RANBP2: variants seen among roughly 807,000 people sequenced by gnomAD.
The protein encoded by RANBP2 is RAN binding protein 2.
RANBP2 carries 57 observed loss-of-function variants against 303.6 expected under a neutral mutation model. The observed-to-expected ratio is 0.19, with a 90% CI of 0.15 to 0.23. The LOEUF (loss-of-function observed/expected upper bound fraction) is 0.23. Ranked by LOEUF, RANBP2 falls within the 10% of genes least tolerant of loss-of-function variation. The probability of loss-of-function intolerance (pLI) is 1.00; values close to 1 mark genes in which losing one functional copy is unlikely to be tolerated. For missense variants in RANBP2, 3,138 were observed against 3,780.8 expected, an observed-to-expected ratio of 0.83 and a Z score of 4.46; for synonymous variants, 1,167 against 1,301.5, an observed-to-expected ratio of 0.90 and a Z score of 2.23.
At chr2:109,398,784 C>T in the RANBP2 span, 2 of 1,613,830 alleles carry the variant, frequency 1.2e-6, no homozygotes, top group Non-Finnish European at 1.7e-6. Context: ...AGAAACGCCA[C>T]TCCTTCACCG....
At chr2:108,931,146 A>G in the RANBP2 span, 2 of 828,094 alleles carry the variant, frequency 2.4e-6, no homozygotes, top group Non-Finnish European at 2.1e-6. Flanking sequence ...CAGAGGGGAA[A>G]CTATACATCC....
chr2:109,165,863 C>T, the RANBP2 span, among the ~76,000 whole-genome samples: 26 of 152,240 alleles, frequency 1.7e-4, no homozygotes, highest in Non-Finnish European at 3.5e-4. Context: ...CAGTGCTCTA[C>T]GTGTGCCCAG....
At chr2:109,285,820 G>C in the RANBP2 span, among the ~76,000 whole-genome samples, 1 of 152,202 alleles carries the variant, frequency 6.6e-6, no homozygotes. Context: ...TCCAGTCCTG[G>C]CCTTGTTGGC....
chr2:109,407,854 A>G, the RANBP2 span, among the ~76,000 whole-genome samples: 1 of 152,240 alleles, frequency 6.6e-6, no homozygotes, highest in Non-Finnish European at 1.5e-5. Flanking sequence ...AAGTGGGGAC[A>G]GAGGACACCG....
chr2:108,952,897 T>G, the RANBP2 span, among the ~76,000 whole-genome samples: 7 of 152,238 alleles, frequency 4.6e-5, no homozygotes, highest in Admixed American at 1.3e-4. Context: ...TTGACTTTTT[T>G]CTTTATTAGG....
At chr2:108,954,603 T>A in the RANBP2 span, among the ~76,000 whole-genome samples, 3 of 152,168 alleles carry the variant, frequency 2.0e-5, no homozygotes, top group African/African-American at 7.2e-5. Flanking sequence ...CCCTGAATTC[T>A]GTGTCTCTGT....
chr2:109,235,562 A>G, the RANBP2 span, among the ~76,000 whole-genome samples: 250 of 152,344 alleles, frequency 1.6e-3, 1 homozygote, highest in African/African-American at 5.8e-3. Context: ...AGTGACTGGT[A>G]AGATGGTTCT....
chr2:109,334,983 C>T, the RANBP2 span, among the ~76,000 whole-genome samples: 5 of 152,280 alleles, frequency 3.3e-5, no homozygotes, highest in Middle Eastern at 3.4e-3. Flanking sequence ...CGTCCTGGTG[C>T]GAGGCTCTGA....
chr2:109,128,925 C>T, the RANBP2 span: 2 of 377,762 alleles, frequency 5.3e-6, no homozygotes, highest in Non-Finnish European at 1.1e-5. Flanking sequence ...GTCCTGCAGG[C>T]ACGGCGCCTC....
At chr2:108,728,284 T>C (rs1694888618) in intron 1 of RANBP2, among the ~76,000 whole-genome samples, 1 of 152,172 alleles carries the variant, frequency 6.6e-6, no homozygotes, top group South Asian at 2.1e-4. Context: ...TTGAATTTAT[T>C]TTTTGTATGT....
At chr2:108,808,116 C>A in the RANBP2 span, among the ~76,000 whole-genome samples, 1 of 152,148 alleles carries the variant, frequency 6.6e-6, no homozygotes, top group Non-Finnish European at 1.5e-5. Flanking sequence ...GTGGTAAGGT[C>A]TTTCAGGTTC....
At chr2:108,775,640 C>T (rs555687550) in intron 23 of RANBP2, 92 bp from the exon 24 acceptor site, 57 of 1,379,064 alleles carry the variant, frequency 4.1e-5, no homozygotes, top group Admixed American at 2.2e-4. Flanking sequence ...TCCAGAAGCC[C>T]AAGTTCTCAA....
At chr2:108,763,182 G>A (rs1676857990) in intron 19 of RANBP2, 55 bp from the exon 20 acceptor site, 5 of 1,578,464 alleles carry the variant, frequency 3.2e-6, no homozygotes, top group African/African-American at 1.3e-5. Flanking sequence ...TTTGCATTTA[G>A]TTATCTGTAG....
chr2:109,750,816 C>T, the RANBP2 span, among the ~76,000 whole-genome samples: 1 of 42,624 alleles, frequency 2.3e-5, no homozygotes, highest in Non-Finnish European at 4.5e-5. Context: ...CTCCACCTCC[C>T]GAATTCAAGT....
chr2:108,845,494 A>G, the RANBP2 span, among the ~76,000 whole-genome samples: 42 of 152,282 alleles, frequency 2.8e-4, no homozygotes, highest in African/African-American at 9.4e-4. Context: ...GTCATAATAA[A>G]GGAAATTTTA....
chr2:109,719,027 A>AAAAAC, the RANBP2 span, among the ~76,000 whole-genome samples: 17 of 118,278 alleles, frequency 1.4e-4, 1 homozygote, highest in Non-Finnish European at 2.2e-4. Context: ...AAAAAAAAAA[A>AAAAAC]AGAAACAAAA....
the RANBP2 span, among the ~76,000 whole-genome samples, chr2:109,298,103 CAG>C: frequency 3.3e-5 from 5 of 152,260 alleles, no homozygotes; most frequent in African/African-American, 7.2e-5. Flanking sequence ...ACCTGCTTCT[CAG>C]GGGGATGCAG....
chr2:109,680,203 A>G, the RANBP2 span, among the ~76,000 whole-genome samples: 1 of 148,948 alleles, frequency 6.7e-6, no homozygotes, highest in African/African-American at 2.5e-5. Flanking sequence ...AAAAAAAAAA[A>G]TTAGCCGGGC....
At chr2:108,998,698 T>G in the RANBP2 span, among the ~76,000 whole-genome samples, 2 of 152,284 alleles carry the variant, frequency 1.3e-5, no homozygotes, top group African/African-American at 4.8e-5. Flanking sequence ...CCCTGCCAAG[T>G]GTTCCTGGAT....
Sources: allele counts gnomAD v4.1 joint callset (sites outside exome capture counted in the v4.1 genomes callset), GRCh38; gene constraint gnomAD v4.1.1; transcripts MANE v1.5; gene names NCBI Gene and HGNC (gene_info 2026-07-23, HGNC 2026-07-21).